The following LRRFIP2 variants were observed in gnomAD, a reference collection of about 807,000 sequenced individuals.
LRRFIP2 encodes the protein LRR binding FLII interacting protein 2.
LRRFIP2 carries 109 observed loss-of-function variants against 125.9 expected under a neutral mutation model. The ratio of observed to expected loss-of-function variants is 0.87; its 90% CI spans 0.74 to 1.01. The LOEUF (loss-of-function observed/expected upper bound fraction) is 1.01. Among genes scored for constraint, LRRFIP2 ranks in the 50% least tolerant of loss-of-function variants. The pLI is 0.00. For missense variants in LRRFIP2, 850 were observed against 862.3 expected, an observed-to-expected ratio of 0.99 and a Z score of 0.18; for synonymous variants, 291 against 293.1, an observed-to-expected ratio of 0.99 and a Z score of 0.07.
intron 16 of LRRFIP2, among the ~76,000 whole-genome samples, chr3:37,096,358 C>A (rs2093717730): frequency 6.6e-6 from 1 of 152,112 alleles, no homozygotes; most frequent in South Asian, 2.1e-4. Context: ...GGATCAATTT[C>A]TAGAGGAATG....
At chr3:37,119,477 C>G (rs1416019051) in intron 6 of LRRFIP2, among the ~76,000 whole-genome samples, 1 of 152,062 alleles carries the variant, frequency 6.6e-6, no homozygotes. Flanking sequence ...TTTCCTAAGG[C>G]CACATACAAA....
chr3:37,142,519 T>A (rs1269993982), intron 2 of LRRFIP2, among the ~76,000 whole-genome samples: 2 of 152,146 alleles, frequency 1.3e-5, no homozygotes, highest in Non-Finnish European at 2.9e-5. Context: ...AAGCATTACA[T>A]TGTAAAAATT....
intron 1 of LRRFIP2, among the ~76,000 whole-genome samples, chr3:37,156,584 G>C (rs1432678694): frequency 6.9e-6 from 1 of 144,064 alleles, no homozygotes; most frequent in African/African-American, 2.6e-5. Flanking sequence ...TGAGGCAGGA[G>C]AATGGCGTGA....
intron 19 of LRRFIP2, among the ~76,000 whole-genome samples, chr3:37,083,397 TTG>T (rs1382057845): frequency 6.6e-6 from 1 of 152,092 alleles, no homozygotes. Context: ...AAAACTTGAG[TTG>T]TATTCTATTT....
intron 2 of LRRFIP2, among the ~76,000 whole-genome samples, chr3:37,138,325 A>G (rs938285574): frequency 1.3e-5 from 2 of 152,208 alleles, no homozygotes; most frequent in Non-Finnish European, 2.9e-5. Context: ...ATGTGAGGCC[A>G]ATCAATCGTA....
At chr3:37,098,310 G>A (rs2093829964) in intron 15 of LRRFIP2, among the ~76,000 whole-genome samples, 1 of 151,370 alleles carries the variant, frequency 6.6e-6, no homozygotes. Flanking sequence ...TAAGTTCTAG[G>A]GTACATGTGT....
chr3:37,152,024 T>C (rs2096046163), intron 1 of LRRFIP2, among the ~76,000 whole-genome samples: 1 of 152,268 alleles, frequency 6.6e-6, no homozygotes, highest in South Asian at 2.1e-4. Context: ...CACACGTTTA[T>C]AGCAAAACAA....
chr3:37,067,381 A>G (rs1200954109), intron 21 of LRRFIP2: 1 of 152,258 alleles, frequency 6.6e-6, no homozygotes, highest in Non-Finnish European at 1.5e-5. Context: ...CACCCAAGGT[A>G]AGTAGTCTAT....
chr3:37,137,089 C>T (rs1365610661), intron 2 of LRRFIP2, among the ~76,000 whole-genome samples: 1 of 151,890 alleles, frequency 6.6e-6, no homozygotes, highest in Non-Finnish European at 1.5e-5. Flanking sequence ...CCATCTCAGC[C>T]TCCTGATTAG....
At chr3:37,109,292 TA>T (rs1029267851) in intron 11 of LRRFIP2, among the ~76,000 whole-genome samples, 1 of 151,584 alleles carries the variant, frequency 6.6e-6, no homozygotes, top group East Asian at 1.9e-4. Flanking sequence ...CTTCTCTAGA[TA>T]AAAAAAAACT....
intron 2 of LRRFIP2, 74 bp downstream of exon 2, chr3:37,148,820 A>G (rs775002276): frequency 3.2e-6 from 5 of 1,543,384 alleles, no homozygotes; most frequent in South Asian, 2.3e-5. Context: ...GTAAACGTCT[A>G]TATCTCTGTC....
intron 6 of LRRFIP2, 118 bp from the exon 7 acceptor site, chr3:37,115,213 A>C (rs1160376432): frequency 1.5e-6 from 1 of 662,100 alleles, no homozygotes; most frequent in East Asian, 2.7e-5. Context: ...ATAAAAAATT[A>C]TTAAACATGA....
At chr3:37,133,227 AAAAC>A (rs2095475273) in intron 2 of LRRFIP2, among the ~76,000 whole-genome samples, 2 of 152,350 alleles carry the variant, frequency 1.3e-5, no homozygotes, top group South Asian at 2.1e-4. Context: ...TCTGTCTCAG[AAAAC>A]AAACAAACAA....
chr3:37,065,657 G>T, intron 23 of LRRFIP2, 153 bp downstream of exon 23: 1 of 914,060 alleles, frequency 1.1e-6, no homozygotes, highest in Non-Finnish European at 1.8e-6. Context: ...GATGTCTGAA[G>T]ACAATGTGCC....
At chr3:37,153,186 T>C (rs142653127) in intron 1 of LRRFIP2, among the ~76,000 whole-genome samples, 10 of 152,148 alleles carry the variant, frequency 6.6e-5, no homozygotes, top group Admixed American at 1.3e-4. Flanking sequence ...TGCTTGAGCA[T>C]AGGAGTTTGA....
At chr3:37,130,410 C>T (rs1577120185) in intron 2 of LRRFIP2, among the ~76,000 whole-genome samples, 1 of 152,074 alleles carries the variant, frequency 6.6e-6, no homozygotes. Flanking sequence ...ATGGTTAAAG[C>T]AAAAATTCCA....
chr3:37,142,257 G>A (rs1035804295), intron 2 of LRRFIP2, among the ~76,000 whole-genome samples: 1 of 148,626 alleles, frequency 6.7e-6, no homozygotes, highest in African/African-American at 2.5e-5. Context: ...TCCCACCTCA[G>A]CCTCCTGAGT....
At chr3:37,146,614 C>A (rs1009104479) in intron 2 of LRRFIP2, among the ~76,000 whole-genome samples, 1 of 152,174 alleles carries the variant, frequency 6.6e-6, no homozygotes, top group African/African-American at 2.4e-5. Context: ...TGGCTTCCAG[C>A]TCCATCCATG....
At chr3:37,140,705 C>T (rs1347383136) in intron 2 of LRRFIP2, among the ~76,000 whole-genome samples, 2 of 151,154 alleles carry the variant, frequency 1.3e-5, no homozygotes, top group Non-Finnish European at 2.9e-5. Flanking sequence ...CTTAATACAA[C>T]CTTAATTTAA....
Sources: gnomAD v4.1 joint callset for allele counts (sites outside exome capture counted in the v4.1 genomes callset) on GRCh38, gnomAD v4.1.1 for gene constraint, MANE v1.5 for transcripts, NCBI Gene and HGNC (gene_info 2026-07-23, HGNC 2026-07-21) for gene names.